The following NOL4 variants were observed in gnomAD, a reference collection of about 807,000 sequenced individuals.
NOL4 encodes cancer/testis antigen 125.
In NOL4, 17 loss-of-function variants were observed where a neutral mutation model predicts 75.9. The observed-to-expected ratio is 0.22, with a 90% CI of 0.15 to 0.34. The LOEUF (loss-of-function observed/expected upper bound fraction) is 0.34. Among genes scored for constraint, NOL4 ranks in the 10% least tolerant of loss-of-function variants. The probability of loss-of-function intolerance (pLI) is 1.00; values close to 1 mark genes in which losing one functional copy is unlikely to be tolerated. For synonymous variants in NOL4, 292 were observed against 289.9 expected (o/e 1.01, Z -0.07); for missense variants, 614 against 793.5 (o/e 0.77, Z 2.72).
chr18:34,000,410 A>C (rs1368085644), intron 6 of NOL4, among the ~76,000 whole-genome samples: 1 of 149,232 alleles, frequency 6.7e-6, no homozygotes, highest in African/African-American at 2.6e-5. Context: ...ACTATGAATA[A>C]AAACATTGTG....
chr18:33,872,540 T>G (rs1311957658), intron 10 of NOL4, among the ~76,000 whole-genome samples: 1 of 151,998 alleles, frequency 6.6e-6, no homozygotes, highest in Non-Finnish European at 1.5e-5. Flanking sequence ...GAAAAGGTAT[T>G]CTGCAATGAC....
intron 8 of NOL4, among the ~76,000 whole-genome samples, chr18:33,943,701 TAAA>T (rs1294407427): frequency 6.8e-6 from 1 of 147,930 alleles, no homozygotes; most frequent in Non-Finnish European, 1.5e-5. Context: ...TATAAATAAT[TAAA>T]AACTAAAAAG....
At chr18:34,194,489 C>T (rs1413625558) in intron 1 of NOL4, among the ~76,000 whole-genome samples, 4 of 145,852 alleles carry the variant, frequency 2.7e-5, no homozygotes, top group Non-Finnish European at 4.5e-5. Flanking sequence ...GGCAGGCAGG[C>T]GAGAAAAGAA....
intron 10 of NOL4, among the ~76,000 whole-genome samples, chr18:33,875,222 C>A (rs906708694): frequency 6.6e-6 from 1 of 152,018 alleles, no homozygotes; most frequent in African/African-American, 2.4e-5. Flanking sequence ...TCAATGTGAA[C>A]TTCCTGATAG....
intron 4 of NOL4, among the ~76,000 whole-genome samples, chr18:34,096,611 T>C (rs933764111): frequency 1.3e-5 from 2 of 152,084 alleles, no homozygotes; most frequent in African/African-American, 4.8e-5. Context: ...TCTAATTCCT[T>C]TCCTCTATGA....
chr18:33,943,567 G>A (rs770128775), intron 8 of NOL4, among the ~76,000 whole-genome samples: 1 of 151,752 alleles, frequency 6.6e-6, no homozygotes, highest in African/African-American at 2.4e-5. Context: ...AAGTGACAGG[G>A]CTAAAATAGA....
intron 5 of NOL4, among the ~76,000 whole-genome samples, chr18:34,060,117 T>C (rs1364126701): frequency 6.6e-6 from 1 of 152,146 alleles, no homozygotes; most frequent in Non-Finnish European, 1.5e-5. Flanking sequence ...GCTATGCTTT[T>C]GGATGGTTAT....
At chr18:34,196,527 T>C (rs2035340397) in intron 1 of NOL4, among the ~76,000 whole-genome samples, 1 of 152,140 alleles carries the variant, frequency 6.6e-6, no homozygotes, top group African/African-American at 2.4e-5. Context: ...TGAGCTATTG[T>C]CAGTAGAACA....
chr18:34,008,809 T>C (rs912501484), intron 6 of NOL4, among the ~76,000 whole-genome samples: 2 of 151,922 alleles, frequency 1.3e-5, no homozygotes, highest in Non-Finnish European at 2.9e-5. Context: ...TATTCCAAAT[T>C]AAGGCTAAAG....
At chr18:34,093,054 C>T (rs1016690730) in intron 5 of NOL4, among the ~76,000 whole-genome samples, 2 of 152,276 alleles carry the variant, frequency 1.3e-5, no homozygotes, top group African/African-American at 4.8e-5. Context: ...TTAGTTGAAA[C>T]TTGTCTTTTA....
intron 8 of NOL4, among the ~76,000 whole-genome samples, chr18:33,950,378 G>A (rs1425874166): frequency 6.6e-6 from 1 of 151,966 alleles, no homozygotes; most frequent in Non-Finnish European, 1.5e-5. Context: ...GTTGCAAGAT[G>A]CTATGAAACT....
At chr18:33,974,363 A>C (rs2071329237) in intron 6 of NOL4, among the ~76,000 whole-genome samples, 1 of 152,150 alleles carries the variant, frequency 6.6e-6, no homozygotes, top group African/African-American at 2.4e-5. Context: ...AGACTATTAA[A>C]ACCTTCTCCA....
chr18:33,924,659 A>G (rs1327418201), intron 9 of NOL4, among the ~76,000 whole-genome samples: 2 of 152,230 alleles, frequency 1.3e-5, no homozygotes, highest in Admixed American at 1.3e-4. Context: ...TTTTATTCCT[A>G]CAAAGTGATA....
intron 1 of NOL4, chr18:34,222,599 G>C (rs1265053522): frequency 2.4e-6 from 1 of 424,016 alleles, no homozygotes; most frequent in East Asian, 1.6e-4. Flanking sequence ...CGGGCTTCCA[G>C]CCTGGCCTTT....
chr18:33,866,281 C>A (rs947025246), intron 10 of NOL4, among the ~76,000 whole-genome samples: 2 of 152,044 alleles, frequency 1.3e-5, no homozygotes, highest in South Asian at 2.1e-4. Flanking sequence ...CCTGGACTTG[C>A]TTTTTTTAAA....
At chr18:34,113,892 A>G (rs2079727081) in intron 2 of NOL4, among the ~76,000 whole-genome samples, 1 of 152,122 alleles carries the variant, frequency 6.6e-6, no homozygotes, top group African/African-American at 2.4e-5. Context: ...CTGGGAATTA[A>G]TGTTTGAAAT....
intron 9 of NOL4, among the ~76,000 whole-genome samples, chr18:33,900,583 T>C (rs540421547): frequency 5.9e-5 from 9 of 152,220 alleles, no homozygotes; most frequent in African/African-American, 2.2e-4. Context: ...CTAGCTAAAA[T>C]GTAAACATTG....
At chr18:33,984,688 C>T (rs2072287290) in intron 6 of NOL4, among the ~76,000 whole-genome samples, 1 of 152,114 alleles carries the variant, frequency 6.6e-6, no homozygotes, top group Non-Finnish European at 1.5e-5. Context: ...TCTCCAGAAG[C>T]AGATGCTGTC....
At chr18:34,203,717 T>A (rs58333835) in intron 1 of NOL4, among the ~76,000 whole-genome samples, 3,539 of 72,316 alleles carry the variant, frequency 0.049, 164 homozygotes, top group African/African-American at 0.12. Context: ...TCTCTCTCTC[T>A]CACACACACA....
Sources: allele counts gnomAD v4.1 joint callset (sites outside exome capture counted in the v4.1 genomes callset), GRCh38; gene constraint gnomAD v4.1.1; transcripts MANE v1.5; gene names NCBI Gene and HGNC (gene_info 2026-07-23, HGNC 2026-07-21).